The following SIRPA variants were observed in gnomAD, a reference collection of about 807,000 sequenced individuals.
The protein encoded by SIRPA is tyrosine-protein phosphatase non-receptor type substrate 1.
Under a neutral mutation model 50.3 loss-of-function variants are expected in SIRPA, and 9 were observed. The observed-to-expected ratio is 0.18, with a 90% CI of 0.11 to 0.31. The LOEUF is 0.31. Among genes scored for constraint, SIRPA ranks in the 10% least tolerant of loss-of-function variants. The probability of loss-of-function intolerance (pLI) is 1.00; values close to 1 mark genes in which losing one functional copy is unlikely to be tolerated. For synonymous variants in SIRPA, 265 were observed against 284.1 expected (o/e 0.93, Z 0.68); for missense variants, 474 against 661.6 (o/e 0.72, Z 3.11).
chr20:1,927,394 T>C lies in SIRPA; in HGVS notation c.1202-481T>C, dbSNP rs1986044026. Among the ~76,000 whole-genome samples the C allele has an allele frequency of 1.3e-5, 2 of 152,170 alleles. No individual in the cohort carries two copies. Among genetic ancestry groups the C allele is most frequent in the South Asian group, 4.1e-4 (2 of 4,834 alleles). On this transcript the variant is annotated intron_variant, in intron 5 of 7. Transcript: ENST00000358771. The surrounding 1 kb of genome is among the most constrained non-coding windows in gnomAD (Gnocchi z 6.5). ...ATGCTCAGCCCAACCCTGCAAGTTA[T>C]AGAAGCTGAGAGAGAGGAAGTGACC...
At chr20:1,917,546 AAAAAC>A (rs1394406109) in intron 2 of SIRPA, among the ~76,000 whole-genome samples, 1 of 152,230 alleles carries the variant, frequency 6.6e-6, no homozygotes, top group Non-Finnish European at 1.5e-5. Context: ...TCTTGAAAGA[AAAAAC>A]AAAACAAGTC....
intron 2 of SIRPA, 64 bp downstream of exon 2, chr20:1,915,519 C>T: frequency 6.4e-7 from 1 of 1,564,886 alleles, no homozygotes; most frequent in Non-Finnish European, 8.8e-7. Context: ...TAACACCCTC[C>T]ATTCTTTGAG....
chr20:1,918,131 G>A (rs1985409980), intron 2 of SIRPA, among the ~76,000 whole-genome samples: 1 of 152,156 alleles, frequency 6.6e-6, no homozygotes. Flanking sequence ...AAGGATTTGA[G>A]TTCCTGTGTA....
At chr20:1,904,236 C>T (rs1020096827) in intron 1 of SIRPA, among the ~76,000 whole-genome samples, 4 of 152,214 alleles carry the variant, frequency 2.6e-5, no homozygotes, top group East Asian at 1.9e-4. Flanking sequence ...TAGGAGGAGG[C>T]GGCCAAGAAA....
intron 1 of SIRPA, among the ~76,000 whole-genome samples, chr20:1,907,455 G>A (rs933125428): frequency 1.3e-5 from 2 of 152,218 alleles, no homozygotes; most frequent in East Asian, 1.9e-4. Flanking sequence ...CAGCCAGTGA[G>A]CATGTTCCAA....
intron 1 of SIRPA, among the ~76,000 whole-genome samples, chr20:1,908,348 AC>A (rs1464080942): frequency 2.6e-5 from 4 of 151,334 alleles, no homozygotes; most frequent in East Asian, 3.9e-4. Context: ...CACACGTGCC[AC>A]CCCCCACACA....
At position 1,924,783 on chromosome 20, in the gene SIRPA, A is replaced by C. The variant is rs375872863; in HGVS notation, c.1107A>C (p.Glu369Asp). 13 of 1,614,094 alleles carry C rather than the reference A, an allele frequency of 8.1e-6. No individual in the cohort carries two copies. The highest frequency in any genetic ancestry group is 1.1e-5 in the Non-Finnish European group (13 of 1,180,012). Reference sequence around the variant, plus strand: ...CCCTAGAGAACACTGGATCTAATGAACGGAACATCTATATTGTGGTGGGTG... The same window carrying C: ...CCCTAGAGAACACTGGATCTAATGACCGGAACATCTATATTGTGGTGGGTG... ...NTAAENTGSN[E>D]RNIYIVVGVV... is the part of the protein sequence containing the mutation. Residue 369 changes from glutamate to aspartate, a missense_variant, in exon 5 of 8, where the codon GAA becomes GAC. Coordinates refer to ENST00000358771, the MANE Select transcript of SIRPA (RefSeq NM_001040023.2). The surrounding 1 kb of genome is among the most constrained non-coding windows in gnomAD (Gnocchi z 4.5).
At chr20:1,899,436 C>T (rs935707862) in intron 1 of SIRPA, among the ~76,000 whole-genome samples, 6 of 152,176 alleles carry the variant, frequency 3.9e-5, no homozygotes, top group Admixed American at 3.9e-4. Flanking sequence ...ACATTTACTC[C>T]AGTGTTCCCT....
rs1568511275 is a variant in SIRPA at position 1,928,430 on chromosome 20, C to T, written c.1226+531C>T. 6.6e-6 allele frequency among the ~76,000 whole-genome samples: 1 copy of T among 152,162 alleles called. No homozygotes were observed. The highest frequency in any genetic ancestry group is 1.5e-5 in the Non-Finnish European group (1 of 68,024). ...CCGATGGCACTTTAGTTTGTTGATT[C>T]ACATTTTTAGTGACTTGAGTCCCTA... On this transcript the variant is annotated intron_variant, in intron 6 of 7. Coordinates refer to ENST00000358771, the MANE Select transcript of SIRPA (RefSeq NM_001040023.2). The surrounding 1 kb of genome is among the most constrained non-coding windows in gnomAD (Gnocchi z 4.9).
intron 1 of SIRPA, among the ~76,000 whole-genome samples, chr20:1,904,702 T>C (rs1430441875): frequency 6.6e-6 from 1 of 152,222 alleles, no homozygotes; most frequent in Admixed American, 6.5e-5. Flanking sequence ...CTCCATCTTT[T>C]GCCAGCGGGG....
rs542785032 is a variant in SIRPA, at chr20:1,915,836, T to C, written c.436+381T>C. On this transcript the variant is annotated intron_variant, in intron 2 of 7. Coordinates refer to ENST00000358771, the MANE Select transcript of SIRPA (RefSeq NM_001040023.2). ...CCTCTCAGGGCAGCCGAGTCTCCTC[T>C]ATGTGACAGGCACTCACTGAGAACC... Among the ~76,000 whole-genome samples the C allele has an allele frequency of 4.6e-5, 7 of 152,350 alleles. No individual in the cohort carries two copies. The South Asian group carries it at 1.5e-3, about 32-fold the overall frequency.
rs994934678 is a variant in SIRPA, at chr20:1,924,560, A to C, written c.1088-204A>C. Among the ~76,000 whole-genome samples the C allele has an allele frequency of 2.6e-5, 4 of 152,090 alleles. No individual in the cohort carries two copies. Among genetic ancestry groups the C allele is most frequent in the African/African-American group, 9.7e-5 (4 of 41,408 alleles). On this transcript the variant is annotated intron_variant, in intron 4 of 7. Transcript: ENST00000358771. The surrounding 1 kb of genome is among the most constrained non-coding windows in gnomAD (Gnocchi z 4.5). The stretch of plus-strand genomic sequence containing the variant: ...ATATATTCCCCCCTGGCACCTCAGC[A>C]TGGTTTTTGTGCTGTTCATGGATGA...
In SIRPA at chr20:1,924,088, C is replaced by T. The variant is rs1568508317; in HGVS notation, c.1088-676C>T. ...TGGCCCCAGTAACAGAAGAAGCAGC[C>T]AGGGTTTGGAGGGAGGCTTAACTGA... On this transcript the variant is annotated intron_variant, in intron 4 of 7. Coordinates refer to ENST00000358771, the MANE Select transcript of SIRPA (RefSeq NM_001040023.2). This position sits in a 1 kb window ranked among gnomAD's most constrained non-coding sequence, Gnocchi z 4.5. Among the ~76,000 whole-genome samples, 1 of 152,126 alleles carries T rather than the reference C, an allele frequency of 6.6e-6. No individual in the cohort carries two copies. The highest frequency in any genetic ancestry group is 1.5e-5 in the Non-Finnish European group (1 of 68,026).
At chr20:1,901,991 A>T (rs993817002) in intron 1 of SIRPA, among the ~76,000 whole-genome samples, 2 of 152,222 alleles carry the variant, frequency 1.3e-5, no homozygotes, top group Non-Finnish European at 2.9e-5. Context: ...CCGTGGTGGA[A>T]GGAAATACTA....
chr20:1,915,304 C>A lies in SIRPA; in HGVS notation c.285C>A (p.Asp95Glu), dbSNP rs138283486. 15 of 1,609,682 alleles carry A rather than the reference C, an allele frequency of 9.3e-6. No individual in the cohort carries two copies. In the African/African-American group the frequency reaches 1.1e-4, roughly 12 times the overall value. ...TCCCCCGGGTAACAACTGTTTCAGA[C>A]CTCACAAAGAGAAACAACATGGACT... ...GHFPRVTTVS[D>E]LTKRNNMDFS... Residue 95 changes from aspartate to glutamate, a missense_variant, in exon 2 of 8, where the codon GAC (aspartate) becomes GAA (glutamate). This residue lies in a region of SIRPA where 221 missense variants were observed against 359.9 expected (regional missense o/e 0.61). Transcript: ENST00000358771.
intron 1 of SIRPA, among the ~76,000 whole-genome samples, chr20:1,901,098 C>T (rs1476893211): frequency 6.6e-6 from 1 of 151,090 alleles, no homozygotes; most frequent in African/African-American, 2.4e-5. Context: ...CCCAGTTGTG[C>T]TGGCACCCTG....
In SIRPA at chr20:1,924,894, C is replaced by T. The variant is rs753263404; in HGVS notation, c.1201+17C>T. On this transcript the variant is annotated intron_variant, in intron 5 of 7. Coordinates refer to ENST00000358771, the MANE Select transcript of SIRPA (RefSeq NM_001040023.2). This position sits in a 1 kb window ranked among gnomAD's most constrained non-coding sequence, Gnocchi z 4.5. ...AGAAGAAAGGTGGGTGCATTCCCCT[C>T]TTCCTCCCTAAGGGTTTGTCCCTGG... is the stretch of plus-strand genomic sequence containing the variant. The T allele has an allele frequency of 1.3e-6, 2 of 1,593,192 alleles. No homozygotes were observed. The highest frequency in any genetic ancestry group is 2.2e-5 in the East Asian group (1 of 44,742).
At chr20:1,931,003 C>G (rs1042462070) in intron 6 of SIRPA, among the ~76,000 whole-genome samples, 1 of 152,224 alleles carries the variant, frequency 6.6e-6, no homozygotes, top group East Asian at 1.9e-4. Context: ...TTATTGAGCA[C>G]TTACTGTGCT....
rs1984691749 is a variant in SIRPA at position 1,908,607 on chromosome 20, A to G, written c.80-6492A>G. Among the ~76,000 whole-genome samples the G allele has an allele frequency of 2.0e-5, 3 of 152,170 alleles. No individual in the cohort carries two copies. In the South Asian group the frequency reaches 6.2e-4, roughly 32 times the overall value. ...CTCCTCCTTGTGCCCACCCATGTGT[A>G]CATGTGTGTGCAGATGCTTATGCTC... is the stretch of plus-strand genomic sequence containing the variant. On this transcript the variant is annotated intron_variant, in intron 1 of 7. Transcript: ENST00000358771.
Sources: gnomAD v4.1 joint callset for allele counts (sites outside exome capture counted in the v4.1 genomes callset) on GRCh38, gnomAD v4.1.1 for gene constraint, gnomAD v4.1.1 regional missense constraint, Gnocchi (gnomAD v3.1) non-coding constraint, MANE v1.5 for transcripts, NCBI Gene and HGNC (gene_info 2026-07-23, HGNC 2026-07-21) for gene names.